Variants in TRIP4 observed in about 807,000 individuals in gnomAD.
The protein encoded by TRIP4 is thyroid hormone receptor interactor 4, also known as activating signal cointegrator 1.
TRIP4 carries 54 observed loss-of-function variants against 81.8 expected under a neutral mutation model. That is an observed-to-expected ratio of 0.66 (90% confidence interval 0.53 to 0.83). The LOEUF is 0.83. TRIP4 is among the 40% of genes least tolerant of loss of function. TRIP4 has a pLI of 0.00. For missense variants in TRIP4, 662 were observed against 683.6 expected (o/e 0.97, Z 0.35); for synonymous variants, 270 against 242.8 (o/e 1.11, Z -1.04).
chr15:64,409,015 C>A (rs1038391083), intron 6 of TRIP4, among the ~76,000 whole-genome samples: 1 of 152,006 alleles, frequency 6.6e-6, no homozygotes, highest in African/African-American at 2.4e-5. Context: ...GAGTTCAAGA[C>A]CAGCCAAGCC....
At chr15:64,410,023 G>GT in intron 7 of TRIP4, among the ~76,000 whole-genome samples, 195 bp downstream of exon 7, 1 of 148,516 alleles carries the variant, frequency 6.7e-6, no homozygotes, top group Non-Finnish European at 1.5e-5. Flanking sequence ...TTTGTGGTTT[G>GT]GTTTTTTTTT....
chr15:64,399,036 G>C (rs1183440787), intron 4 of TRIP4, among the ~76,000 whole-genome samples: 1 of 140,770 alleles, frequency 7.1e-6, no homozygotes, highest in East Asian at 2.1e-4. Flanking sequence ...TGCAACCTCT[G>C]CCTCCTGGGT....
intron 4 of TRIP4, among the ~76,000 whole-genome samples, chr15:64,399,375 C>G: frequency 6.6e-6 from 1 of 152,158 alleles, no homozygotes; most frequent in East Asian, 1.9e-4. Context: ...ATGGAGCTTT[C>G]TCTTTAGAGC....
intron 11 of TRIP4, among the ~76,000 whole-genome samples, chr15:64,439,984 C>T (rs1892481608): frequency 6.6e-6 from 1 of 151,936 alleles, no homozygotes; most frequent in Admixed American, 6.6e-5. Context: ...GCCCATTTTC[C>T]ACTGAATCAG....
At chr15:64,445,659 C>G (rs11854235) in intron 12 of TRIP4, among the ~76,000 whole-genome samples, 1 of 92,392 alleles carries the variant, frequency 1.1e-5, no homozygotes, top group Non-Finnish European at 2.0e-5. Flanking sequence ...CAGAGCGACA[C>G]TCAGTCTCAA....
intron 6 of TRIP4, among the ~76,000 whole-genome samples, chr15:64,409,231 G>A (rs868672158): frequency 1.1e-4 from 17 of 151,746 alleles, no homozygotes; most frequent in African/African-American, 3.9e-4. Flanking sequence ...ACAGAACTGA[G>A]ACTTAAGCAT....
chr15:64,422,319 A>G (rs912468261), intron 9 of TRIP4, among the ~76,000 whole-genome samples: 3 of 152,162 alleles, frequency 2.0e-5, no homozygotes, highest in Non-Finnish European at 4.4e-5. Flanking sequence ...TTTCCCCTCT[A>G]CTGTTCAGGC....
At chr15:64,409,856 CAAA>C in intron 7 of TRIP4, 28 bp downstream of exon 7, 1 of 1,594,614 alleles carries the variant, frequency 6.3e-7, no homozygotes, top group Non-Finnish European at 8.6e-7. Context: ...GAAAGGGTCT[CAAA>C]GAAGGAACAG....
intron 3 of TRIP4, among the ~76,000 whole-genome samples, chr15:64,396,426 A>C (rs938051922): frequency 1.3e-5 from 2 of 151,560 alleles, no homozygotes; most frequent in African/African-American, 4.9e-5. Flanking sequence ...ACAGGCACAC[A>C]TGCTACCACA....
At chr15:64,435,148 A>G (rs1299124336) in intron 11 of TRIP4, among the ~76,000 whole-genome samples, 2 of 147,290 alleles carry the variant, frequency 1.4e-5, no homozygotes, top group Non-Finnish European at 3.0e-5. Context: ...CCGGGGAGGC[A>G]AGGGTTGCAG....
At chr15:64,404,822 T>C (rs1891587680) in intron 5 of TRIP4, among the ~76,000 whole-genome samples, 1 of 151,094 alleles carries the variant, frequency 6.6e-6, no homozygotes, top group Non-Finnish European at 1.5e-5. Flanking sequence ...AGTAGCTGGA[T>C]CTACAGGCTT....
chr15:64,411,836 C>A (rs975872412), intron 7 of TRIP4, among the ~76,000 whole-genome samples: 11 of 152,056 alleles, frequency 7.2e-5, no homozygotes, highest in African/African-American at 2.2e-4. Flanking sequence ...CCCGCCACCA[C>A]GCCTGGCTAA....
chr15:64,403,997 G>C (rs1891569197), intron 5 of TRIP4, among the ~76,000 whole-genome samples: 1 of 152,012 alleles, frequency 6.6e-6, no homozygotes, highest in South Asian at 2.1e-4. Flanking sequence ...TTTGAGACCA[G>C]CCTGACCAAT....
intron 5 of TRIP4, among the ~76,000 whole-genome samples, chr15:64,403,247 C>T (rs1244737991): frequency 6.6e-6 from 1 of 152,228 alleles, no homozygotes; most frequent in South Asian, 2.1e-4. Context: ...ACCTCTGCCT[C>T]CTGGGTTCAA....
At chr15:64,443,884 C>T (rs1476956179) in intron 11 of TRIP4, among the ~76,000 whole-genome samples, 1 of 152,046 alleles carries the variant, frequency 6.6e-6, no homozygotes. Flanking sequence ...AAACAAAGTA[C>T]ATGTCCCACC....
At chr15:64,397,867 G>T (rs371617983) in intron 4 of TRIP4, 49 bp downstream of exon 4, 1 of 1,568,562 alleles carries the variant, frequency 6.4e-7, no homozygotes, top group Non-Finnish European at 8.7e-7. Context: ...GTGTTAATAC[G>T]CAGAGCCAGT....
chr15:64,454,734 T>A (rs1381345674), intron 12 of TRIP4, among the ~76,000 whole-genome samples: 1 of 152,224 alleles, frequency 6.6e-6, no homozygotes, highest in Non-Finnish European at 1.5e-5. Context: ...ATTTCTTTTC[T>A]AGTAGCTACA....
At chr15:64,404,815 A>G (rs540945245) in intron 5 of TRIP4, among the ~76,000 whole-genome samples, 2 of 152,094 alleles carry the variant, frequency 1.3e-5, no homozygotes, top group East Asian at 3.9e-4. Context: ...CCTCCCAAGT[A>G]GCTGGATCTA....
intron 7 of TRIP4, among the ~76,000 whole-genome samples, chr15:64,410,342 A>G (rs564048906): frequency 4.6e-5 from 7 of 152,286 alleles, no homozygotes; most frequent in African/African-American, 1.7e-4. Flanking sequence ...AGTTTTTAAA[A>G]CAATGAGATA....
Sources: gnomAD v4.1 joint callset for allele counts (sites outside exome capture counted in the v4.1 genomes callset) on GRCh38, gnomAD v4.1.1 for gene constraint, MANE v1.5 for transcripts, NCBI Gene and HGNC (gene_info 2026-07-23, HGNC 2026-07-21) for gene names.